Variants in AGPS observed in about 807,000 individuals in gnomAD.
AGPS encodes alkyldihydroxyacetonephosphate synthase, peroxisomal.
A neutral mutation model predicts 90.7 loss-of-function variants in AGPS; 26 were observed. The ratio of observed to expected loss-of-function variants is 0.29; its 90% CI spans 0.21 to 0.40. AGPS has a LOEUF of 0.40. AGPS is among the 10% of genes least tolerant of loss of function. The pLI, the probability that AGPS is intolerant of heterozygous loss-of-function variation, is 1.00. For synonymous variants in AGPS, 294 were observed against 285.3 expected, an observed-to-expected ratio of 1.03 and a Z score of -0.31; for missense variants, 540 against 816.1, an observed-to-expected ratio of 0.66 and a Z score of 4.12.
chr2:177,411,549 C>T (rs1209108224), intron 1 of AGPS, among the ~76,000 whole-genome samples: 4 of 152,152 alleles, frequency 2.6e-5, no homozygotes, highest in Non-Finnish European at 5.9e-5. Context: ...ATTGACCTGA[C>T]TGAGATACCA....
chr2:177,458,446 G>A (rs545749525), intron 8 of AGPS, among the ~76,000 whole-genome samples: 11 of 152,252 alleles, frequency 7.2e-5, no homozygotes, highest in African/African-American at 1.7e-4. Flanking sequence ...AAACCCCATC[G>A]TCTCAGCCCA....
At chr2:177,491,871 T>C (rs1240088458) in intron 11 of AGPS, among the ~76,000 whole-genome samples, 1 of 148,968 alleles carries the variant, frequency 6.7e-6, no homozygotes. Context: ...CTGCAAACTC[T>C]GCTTCCCAGG....
intron 18 of AGPS, among the ~76,000 whole-genome samples, chr2:177,521,922 G>T (rs1235208349): frequency 6.6e-6 from 1 of 152,182 alleles, no homozygotes; most frequent in Non-Finnish European, 1.5e-5. Flanking sequence ...AAACAGACTA[G>T]AGTGTGGAGG....
chr2:177,472,361 C>A (rs13000048), intron 10 of AGPS, among the ~76,000 whole-genome samples: 86,852 of 151,364 alleles, frequency 0.57, 29,262 homozygotes, highest in Non-Finnish European at 0.72. Context: ...TTTTTACGTG[C>A]CTTTTTTTGG....
chr2:177,513,786 A>G (rs747311176), intron 16 of AGPS, 33 bp from the exon 17 acceptor site: 2 of 1,523,276 alleles, frequency 1.3e-6, no homozygotes, highest in Admixed American at 3.3e-5. Flanking sequence ...CTCACTTGAA[A>G]ACTTAATATT....
intron 17 of AGPS, among the ~76,000 whole-genome samples, chr2:177,514,389 G>A (rs1213715984): frequency 3.3e-5 from 5 of 152,070 alleles, no homozygotes; most frequent in African/African-American, 1.2e-4. Context: ...AAATGAGAAA[G>A]CATATGAAAA....
In AGPS at chr2:177,540,466, C is replaced by G. The variant is rs965577767; in HGVS notation, c.*2271C>G. ...CTGATTTAGTAAATCAGAAAGCCTC[C>G]CCCTACCCCCAGCCCCCACTTTCAC... On this transcript the variant is annotated 3_prime_UTR_variant, in exon 20 of 20. Coordinates refer to ENST00000264167, the MANE Select transcript of AGPS (RefSeq NM_003659.4). The G allele has an allele frequency of 6.6e-6, 1 of 151,994 alleles. No homozygotes were observed. The allele number at this position is 151,994 out of a possible 1,614,324, so 9.4% of individuals were successfully genotyped here.
intron 10 of AGPS, among the ~76,000 whole-genome samples, chr2:177,473,030 T>C (rs1230020933): frequency 6.6e-6 from 1 of 152,232 alleles, no homozygotes; most frequent in Non-Finnish European, 1.5e-5. Flanking sequence ...GTTCCTCTGT[T>C]ACTCTCTACT....
chr2:177,486,528 T>A (rs1213435296), intron 11 of AGPS, among the ~76,000 whole-genome samples: 1 of 151,742 alleles, frequency 6.6e-6, no homozygotes, highest in African/African-American at 2.4e-5. Flanking sequence ...TTAAAGTAGA[T>A]GGTACATGGC....
chr2:177,537,451 A>T (rs1484938948), intron 19 of AGPS, among the ~76,000 whole-genome samples: 2 of 152,116 alleles, frequency 1.3e-5, no homozygotes, highest in African/African-American at 2.4e-5. Context: ...TAGGAAAAAA[A>T]TTCTAAATCT....
intron 16 of AGPS, among the ~76,000 whole-genome samples, chr2:177,509,696 G>T (rs1688815245): frequency 6.7e-6 from 1 of 150,362 alleles, no homozygotes; most frequent in Admixed American, 6.6e-5. Context: ...CAGTTTGGCA[G>T]CTATTCATAG....
At chr2:177,502,251 T>A (rs933896039) in intron 14 of AGPS, among the ~76,000 whole-genome samples, 13 of 4,114 alleles carry the variant, frequency 3.2e-3, no homozygotes, top group African/African-American at 7.7e-3. Context: ...TGAGGTCTCA[T>A]TTTTTTTTTT....
intron 1 of AGPS, among the ~76,000 whole-genome samples, chr2:177,401,396 C>T (rs886591157): frequency 1.3e-5 from 2 of 152,152 alleles, no homozygotes; most frequent in Non-Finnish European, 2.9e-5. Context: ...CTCTGCTGCT[C>T]TCATACATGT....
intron 19 of AGPS, among the ~76,000 whole-genome samples, chr2:177,529,156 C>T (rs964662079): frequency 2.6e-5 from 4 of 151,986 alleles, no homozygotes; most frequent in Non-Finnish European, 5.9e-5. Context: ...CACTCCCGGC[C>T]GCATATTATT....
intron 1 of AGPS, among the ~76,000 whole-genome samples, chr2:177,401,175 G>A (rs975456318): frequency 2.0e-5 from 3 of 152,180 alleles, no homozygotes; most frequent in Middle Eastern, 3.4e-3. Flanking sequence ...GTGATATACC[G>A]TGCTGGCCAG....
At chr2:177,525,491 A>G (rs2079076015) in intron 19 of AGPS, among the ~76,000 whole-genome samples, 1 of 152,208 alleles carries the variant, frequency 6.6e-6, no homozygotes, top group South Asian at 2.1e-4. Context: ...GGTATGTGTC[A>G]GCAGCCAATA....
chr2:177,515,171 G>A (rs1688985963), intron 17 of AGPS, among the ~76,000 whole-genome samples: 9 of 151,610 alleles, frequency 5.9e-5, no homozygotes, highest in Admixed American at 5.9e-4. Flanking sequence ...TTAAATTTGG[G>A]GGTATCTTTA....
At chr2:177,459,896 C>T (rs558110784) in intron 8 of AGPS, among the ~76,000 whole-genome samples, 1 of 152,284 alleles carries the variant, frequency 6.6e-6, no homozygotes, top group South Asian at 2.1e-4. Flanking sequence ...TTCACAATAG[C>T]AAAGACTTGG....
intron 8 of AGPS, among the ~76,000 whole-genome samples, chr2:177,454,700 C>T (rs911782897): frequency 3.9e-5 from 6 of 151,978 alleles, no homozygotes; most frequent in Admixed American, 3.9e-4. Flanking sequence ...AAATATTCTT[C>T]AGCTTTTCTC....
Sources: allele counts gnomAD v4.1 joint callset (sites outside exome capture counted in the v4.1 genomes callset), GRCh38; gene constraint gnomAD v4.1.1; transcripts MANE v1.5; gene names NCBI Gene and HGNC (gene_info 2026-07-23, HGNC 2026-07-21).